The following NTNG1 variants were observed in gnomAD, a reference collection of about 807,000 sequenced individuals.
NTNG1 encodes netrin G1.
NTNG1 carries 16 observed loss-of-function variants against 54.0 expected under a neutral mutation model. The ratio of observed to expected loss-of-function variants is 0.30; its 90% confidence interval spans 0.20 to 0.45. The LOEUF (loss-of-function observed/expected upper bound fraction) is 0.45, where lower values mean the gene tolerates loss of function less well. Ranked by LOEUF, NTNG1 falls within the 20% of genes least tolerant of loss-of-function variation. NTNG1 has a pLI of 1.00. For missense variants in NTNG1, 530 were observed against 678.7 expected (o/e 0.78, Z 2.43); for synonymous variants, 255 against 263.1 (o/e 0.97, Z 0.30).
At chr1:107,402,229 A>T (rs1052522690) in intron 4 of NTNG1, among the ~76,000 whole-genome samples, 6 of 152,160 alleles carry the variant, frequency 3.9e-5, no homozygotes, top group African/African-American at 1.2e-4. Context: ...CTTGGTGAGC[A>T]TGGGATCAGG....
intron 3 of NTNG1, among the ~76,000 whole-genome samples, chr1:107,361,360 C>T (rs1479362035): frequency 6.4e-5 from 7 of 109,326 alleles, no homozygotes; most frequent in Admixed American, 2.4e-4. Context: ...CATTATATAA[C>T]ATATATATAT....
At chr1:107,396,057 T>C (rs1271637816) in intron 4 of NTNG1, among the ~76,000 whole-genome samples, 1 of 152,160 alleles carries the variant, frequency 6.6e-6, no homozygotes, top group Non-Finnish European at 1.5e-5. Context: ...CACAGAGAAA[T>C]GTGATTATTT....
intron 5 of NTNG1, among the ~76,000 whole-genome samples, chr1:107,423,220 A>C (rs1328426657): frequency 6.6e-6 from 1 of 152,104 alleles, no homozygotes; most frequent in Admixed American, 6.6e-5. Flanking sequence ...ACACATATAT[A>C]GTATTTTTTC....
At chr1:107,407,901 T>A in intron 5 of NTNG1, 193 bp downstream of exon 5, 1 of 741,066 alleles carries the variant, frequency 1.3e-6, no homozygotes, top group Non-Finnish European at 2.5e-6. Flanking sequence ...TATTTGTGCA[T>A]AACTCCATGA....
chr1:107,154,567 G>A (rs1411289878), intron 2 of NTNG1, among the ~76,000 whole-genome samples: 1 of 115,610 alleles, frequency 8.6e-6, no homozygotes, highest in Non-Finnish European at 1.6e-5. Context: ...CTGCACAACA[G>A]CCTAGGCAAC....
chr1:107,244,728 C>A (rs919293662), intron 2 of NTNG1, among the ~76,000 whole-genome samples: 8 of 152,214 alleles, frequency 5.3e-5, no homozygotes, highest in African/African-American at 1.9e-4. Context: ...GTCTGCCAAT[C>A]TAGCTCTCTC....
intron 2 of NTNG1, among the ~76,000 whole-genome samples, chr1:107,303,229 G>A (rs1434045668): frequency 6.6e-6 from 1 of 152,158 alleles, no homozygotes; most frequent in Non-Finnish European, 1.5e-5. Context: ...GGACAAGCAG[G>A]TTTTTTGCTG....
intron 3 of NTNG1, among the ~76,000 whole-genome samples, chr1:107,355,776 G>A (rs1303759177): frequency 6.6e-6 from 1 of 152,042 alleles, no homozygotes; most frequent in African/African-American, 2.4e-5. Flanking sequence ...TTGATGCAAT[G>A]GCATCAGGTC....
chr1:107,203,884 T>C (rs960710685), intron 2 of NTNG1, among the ~76,000 whole-genome samples: 5 of 151,972 alleles, frequency 3.3e-5, no homozygotes, highest in African/African-American at 9.7e-5. Flanking sequence ...TTATCAATAC[T>C]ACATTTCAGT....
At chr1:107,429,861 A>G (rs887119817) in intron 5 of NTNG1, among the ~76,000 whole-genome samples, 1 of 152,124 alleles carries the variant, frequency 6.6e-6, no homozygotes, top group Non-Finnish European at 1.5e-5. Context: ...AAGAAAGAAG[A>G]AATCTAGTCA....
chr1:107,383,873 C>A (rs1671789224), intron 3 of NTNG1, among the ~76,000 whole-genome samples: 1 of 152,202 alleles, frequency 6.6e-6, no homozygotes, highest in African/African-American at 2.4e-5. Context: ...TAAAAGTTTG[C>A]CACACCTGTG....
intron 2 of NTNG1, among the ~76,000 whole-genome samples, chr1:107,189,706 C>T (rs1657758322): frequency 6.6e-6 from 1 of 151,724 alleles, no homozygotes. Flanking sequence ...TATAAATTCC[C>T]TATATATCAC....
At chr1:107,163,751 A>G (rs1249332894) in intron 2 of NTNG1, among the ~76,000 whole-genome samples, 1 of 152,224 alleles carries the variant, frequency 6.6e-6, no homozygotes, top group African/African-American at 2.4e-5. Flanking sequence ...AATGTCTACG[A>G]ACGATGTAAT....
At chr1:107,189,678 C>A (rs72981622) in intron 2 of NTNG1, among the ~76,000 whole-genome samples, 6,577 of 151,946 alleles carry the variant, frequency 0.043, 459 homozygotes, top group African/African-American at 0.15. Flanking sequence ...CATCAGTTGC[C>A]CATCATCCTA....
intron 5 of NTNG1, chr1:107,408,126 T>G (rs1673566761): frequency 3.1e-6 from 1 of 321,774 alleles, no homozygotes; most frequent in Non-Finnish European, 6.0e-6. Flanking sequence ...AATGAATGCC[T>G]TGGGTATATG....
intron 3 of NTNG1, among the ~76,000 whole-genome samples, chr1:107,381,374 A>T (rs1306802491): frequency 6.7e-6 from 1 of 149,074 alleles, no homozygotes; most frequent in Non-Finnish European, 1.5e-5. Context: ...AAAAAAAAAA[A>T]AAGTCACTTT....
At chr1:107,272,896 T>C (rs1436134493) in intron 2 of NTNG1, among the ~76,000 whole-genome samples, 1 of 152,216 alleles carries the variant, frequency 6.6e-6, no homozygotes, top group African/African-American at 2.4e-5. Flanking sequence ...TCGGAAGCAC[T>C]TAGAAGCTCT....
chr1:107,397,037 C>T (rs1672727536), intron 4 of NTNG1, among the ~76,000 whole-genome samples: 1 of 152,150 alleles, frequency 6.6e-6, no homozygotes, highest in Admixed American at 6.6e-5. Context: ...TTGTTATTCT[C>T]TTGTTATAAT....
chr1:107,465,111 T>C (rs938440378), intron 7 of NTNG1, among the ~76,000 whole-genome samples: 2 of 152,194 alleles, frequency 1.3e-5, no homozygotes, highest in South Asian at 2.1e-4. Context: ...GAGGCGTTAA[T>C]GAAAACCCAG....
Sources: allele counts gnomAD v4.1 joint callset (sites outside exome capture counted in the v4.1 genomes callset), GRCh38; gene constraint gnomAD v4.1.1; transcripts MANE v1.5; gene names NCBI Gene and HGNC (gene_info 2026-07-23, HGNC 2026-07-21).